Variants in ANKRD22 observed in about 807,000 individuals in gnomAD.
ANKRD22 encodes the protein ankyrin repeat domain 22.
In ANKRD22, 24 loss-of-function variants were observed where a neutral mutation model predicts 25.7. The ratio of observed to expected loss-of-function variants is 0.93; its 90% CI spans 0.68 to 1.31. The LOEUF is 1.31. Ranked by LOEUF, ANKRD22 falls within the 50% of genes most tolerant of loss-of-function variation. The pLI, the probability that ANKRD22 is intolerant of heterozygous loss-of-function variation, is 0.00. For synonymous variants in ANKRD22, 84 were observed against 84.3 expected (o/e 1.00, Z 0.02); for missense variants, 214 against 227.1 (o/e 0.94, Z 0.37).
At chr10:88,829,818 C>G (rs1460810468) in intron 2 of ANKRD22, among the ~76,000 whole-genome samples, 6 of 152,202 alleles carry the variant, frequency 3.9e-5, no homozygotes, top group Non-Finnish European at 2.9e-5. Context: ...GCTTTGCCAC[C>G]TAGGCGGGAG....
intron 1 of ANKRD22, among the ~76,000 whole-genome samples, chr10:88,846,725 A>C (rs1189818757): frequency 6.6e-6 from 1 of 152,198 alleles, no homozygotes; most frequent in African/African-American, 2.4e-5. Flanking sequence ...CTGCATTAGC[A>C]CATCCCAGCG....
At chr10:88,839,706 T>C (rs1843986785) in intron 1 of ANKRD22, among the ~76,000 whole-genome samples, 1 of 152,104 alleles carries the variant, frequency 6.6e-6, no homozygotes, top group Admixed American at 6.6e-5. Context: ...ATAAAAGTCA[T>C]TTGTTGGTTG....
chr10:88,845,083 A>ATT (rs1482127239), intron 1 of ANKRD22, among the ~76,000 whole-genome samples: 1 of 25,594 alleles, frequency 3.9e-5, no homozygotes. Flanking sequence ...TGAGAAACTC[A>ATT]CTTCTCCTCA....
intron 1 of ANKRD22, among the ~76,000 whole-genome samples, chr10:88,848,405 T>A (rs1844073451): frequency 6.6e-6 from 1 of 152,094 alleles, no homozygotes; most frequent in African/African-American, 2.4e-5. Flanking sequence ...ACATTTTAAT[T>A]TGTAAAATTA....
Position 88,820,191 on chromosome 10 carries a change from C to A in ANKRD22, c.*2750G>T. On this transcript the variant is annotated 3_prime_UTR_variant, in exon 6 of 6. Coordinates refer to ENST00000371930, the MANE Select transcript of ANKRD22 (RefSeq NM_144590.3). ...AAACATAAATTATGAGCCTGAAAGT[C>A]CAAATGTTACCTAGAGTTAAGAACT... 6.7e-7 allele frequency: 1 copy of A among 1,482,236 alleles called. No individual in the cohort carries two copies. The highest frequency in any genetic ancestry group is 1.7e-4 in the Middle Eastern group (1 of 5,738). 91.8% of individuals were successfully genotyped at this position (1,482,236 alleles called of 1,614,324 possible).
chr10:88,833,481 G>A (rs1843925665), intron 1 of ANKRD22, among the ~76,000 whole-genome samples: 4 of 152,086 alleles, frequency 2.6e-5, no homozygotes, highest in Admixed American at 1.3e-4. Flanking sequence ...TAAATGACAA[G>A]AAAAAAATTT....
intron 1 of ANKRD22, among the ~76,000 whole-genome samples, chr10:88,843,851 C>A (rs904700107): frequency 4.6e-5 from 7 of 152,088 alleles, no homozygotes; most frequent in Non-Finnish European, 1.0e-4. Flanking sequence ...TTATTTTCTA[C>A]AAGATAGACA....
At chr10:88,838,088 A>T (rs1843970570) in intron 1 of ANKRD22, among the ~76,000 whole-genome samples, 2 of 152,234 alleles carry the variant, frequency 1.3e-5, no homozygotes, top group Admixed American at 6.5e-5. Context: ...ACAAGGGTAG[A>T]TGAGACTTTT....
intron 1 of ANKRD22, among the ~76,000 whole-genome samples, chr10:88,849,457 C>T (rs762960726): frequency 1.1e-4 from 16 of 152,102 alleles, no homozygotes; most frequent in Non-Finnish European, 1.9e-4. Context: ...TTTAGTAGTT[C>T]AGCAGTGATG....
At chr10:88,826,014 A>C (rs1320513414) in intron 4 of ANKRD22, 24 bp downstream of exon 4, 2 of 1,578,076 alleles carry the variant, frequency 1.3e-6, no homozygotes, top group African/African-American at 2.7e-5. Flanking sequence ...TATTTTTTCA[A>C]AATGGCTAAA....
intron 1 of ANKRD22, among the ~76,000 whole-genome samples, chr10:88,847,880 C>T (rs998532457): frequency 2.4e-4 from 37 of 152,030 alleles, no homozygotes; most frequent in African/African-American, 8.9e-4. Context: ...TGCACAGGTG[C>T]CATTTTTTAC....
At chr10:88,826,230 T>A in intron 3 of ANKRD22, 115 bp from the exon 4 acceptor site, 1 of 784,416 alleles carries the variant, frequency 1.3e-6, no homozygotes, top group Non-Finnish European at 2.0e-6. Context: ...TATGCATGCA[T>A]GCACCCTTCC....
At chr10:88,825,991 A>G in intron 4 of ANKRD22, 47 bp downstream of exon 4, 2 of 1,480,074 alleles carry the variant, frequency 1.4e-6, no homozygotes, top group Non-Finnish European at 1.9e-6. Context: ...CTACCTACAA[A>G]TACCATTTTG....
chr10:88,820,592 T>A lies in ANKRD22; in HGVS notation c.*2349A>T. On this transcript the variant is annotated 3_prime_UTR_variant, in exon 6 of 6. Coordinates refer to ENST00000371930, the MANE Select transcript of ANKRD22 (RefSeq NM_144590.3). ...AATTACGGAGAGCAGAGACCTAGTA[T>A]ACATTTTTCAGATTCCCTGCACTTG... 4 of 1,290,412 alleles carry A rather than the reference T, an allele frequency of 3.1e-6. No individual in the cohort carries two copies. Among genetic ancestry groups the A allele is most frequent in the Non-Finnish European group, 4.1e-6 (4 of 964,142 alleles). 79.9% of individuals were successfully genotyped at this position (1,290,412 alleles called of 1,614,324 possible).
intron 4 of ANKRD22, among the ~76,000 whole-genome samples, chr10:88,823,740 A>G (rs1332360054): frequency 1.3e-5 from 2 of 149,974 alleles, no homozygotes; most frequent in Admixed American, 6.7e-5. Context: ...AGGCAGGAGA[A>G]TGGCTCGAAC....
chr10:88,849,838 A>G (rs1472195088), intron 1 of ANKRD22, among the ~76,000 whole-genome samples: 1 of 152,100 alleles, frequency 6.6e-6, no homozygotes, highest in Non-Finnish European at 1.5e-5. Context: ...CTCTAAGCTT[A>G]TCCTCTAGTG....
chr10:88,843,843 AT>A (rs1462864601), intron 1 of ANKRD22, among the ~76,000 whole-genome samples: 1 of 152,080 alleles, frequency 6.6e-6, no homozygotes, highest in African/African-American at 2.4e-5. Context: ...CTACTATATT[AT>A]TTTCTACAAG....
At chr10:88,826,157 A>T (rs1843854512) in intron 3 of ANKRD22, 42 bp from the exon 4 acceptor site, 8 of 1,509,094 alleles carry the variant, frequency 5.3e-6, no homozygotes, top group Non-Finnish European at 7.3e-6. Flanking sequence ...ATTTACAAAT[A>T]GTTTCTCCAA....
At chr10:88,828,275 A>T (rs770146470) in intron 3 of ANKRD22, among the ~76,000 whole-genome samples, 1 of 152,104 alleles carries the variant, frequency 6.6e-6, no homozygotes, top group African/African-American at 2.4e-5. Flanking sequence ...AATATTCAGA[A>T]TTTTTTTGCT....
Sources: allele counts gnomAD v4.1 joint callset (sites outside exome capture counted in the v4.1 genomes callset), GRCh38; gene constraint gnomAD v4.1.1; transcripts MANE v1.5; gene names NCBI Gene and HGNC (gene_info 2026-07-23, HGNC 2026-07-21).